The following KLF8 variants were observed in gnomAD, a reference collection of about 807,000 sequenced individuals.
The protein encoded by KLF8 is Krueppel-like factor 8.
KLF8 carries 10 observed loss-of-function variants against 18.2 expected under a neutral mutation model. That is an observed-to-expected ratio of 0.55 (90% CI 0.34 to 0.93). The LOEUF is 0.93. KLF8 is among the 40% of genes least tolerant of loss of function. The pLI, the probability that KLF8 is intolerant of heterozygous loss-of-function variation, is 0.02. For missense variants in KLF8, 264 were observed against 277.9 expected (o/e 0.95, Z 0.36); for synonymous variants, 109 against 97.3 (o/e 1.12, Z -0.71).
the KLF8 span, among the ~76,000 whole-genome samples, chrX:56,222,321 C>T: frequency 1.8e-5 from 2 of 110,449 alleles, no homozygotes; most frequent in South Asian, 7.9e-4. Context: ...ATTCACAATC[C>T]CTTATCTAGA....
chrX:56,202,738 TTGTTGCAAA>T, the KLF8 span, among the ~76,000 whole-genome samples: 3 of 111,163 alleles, frequency 2.7e-5, no homozygotes, highest in Non-Finnish European at 5.7e-5. Flanking sequence ...TCCATGCATA[TTGTTGCAAA>T]TGACTGAATA....
At chrX:56,185,421 G>A in the KLF8 span, among the ~76,000 whole-genome samples, 1 of 112,256 alleles carries the variant, frequency 8.9e-6, no homozygotes, top group South Asian at 3.7e-4. Flanking sequence ...AAGTGACGGG[G>A]AGAATGGGAC....
At chrX:56,278,831 T>C in intron 5 of KLF8, among the ~76,000 whole-genome samples, 1 of 112,010 alleles carries the variant, frequency 8.9e-6, no homozygotes, top group East Asian at 2.8e-4. Context: ...ATTCAAGTTC[T>C]GACTTCTGGG....
At chrX:55,941,178 A>T in the KLF8 span, among the ~76,000 whole-genome samples, 1 of 111,866 alleles carries the variant, frequency 8.9e-6, no homozygotes, top group Admixed American at 9.5e-5. Context: ...AGAGATATAA[A>T]CCAATGTAAC....
the KLF8 span, among the ~76,000 whole-genome samples, chrX:56,209,670 A>G: frequency 9.0e-6 from 1 of 111,452 alleles, no homozygotes; most frequent in African/African-American, 3.3e-5. Flanking sequence ...CTATTTTATT[A>G]TGTGTTTTCT....
At chrX:56,160,644 T>A in the KLF8 span, among the ~76,000 whole-genome samples, 1 of 111,855 alleles carries the variant, frequency 8.9e-6, no homozygotes, top group African/African-American at 3.3e-5. Flanking sequence ...CATTATGTAA[T>A]GGCCTTCTTT....
the KLF8 span, among the ~76,000 whole-genome samples, chrX:56,196,181 C>A: frequency 7.2e-5 from 8 of 111,027 alleles, no homozygotes; most frequent in South Asian, 1.9e-3. Flanking sequence ...AATTAATGGG[C>A]AAAATAACCA....
the KLF8 span, among the ~76,000 whole-genome samples, chrX:55,939,561 C>A: frequency 3.6e-5 from 4 of 111,479 alleles, no homozygotes; most frequent in Admixed American, 9.5e-5. Flanking sequence ...ACACAAAAAA[C>A]CCTTCAAAAA....
chrX:56,105,800 T>C, the KLF8 span, among the ~76,000 whole-genome samples: 1 of 112,005 alleles, frequency 8.9e-6, no homozygotes, highest in African/African-American at 3.3e-5. Flanking sequence ...TTTATGCCAT[T>C]TCTTCATAGC....
chrX:56,163,959 C>G, the KLF8 span, among the ~76,000 whole-genome samples: 2 of 111,666 alleles, frequency 1.8e-5, no homozygotes, highest in African/African-American at 3.3e-5. Flanking sequence ...TGGTCTATGT[C>G]TCTGTCTTTG....
chrX:56,061,910 A>G, the KLF8 span, among the ~76,000 whole-genome samples: 2 of 99,360 alleles, frequency 2.0e-5, no homozygotes, highest in African/African-American at 8.4e-5. Flanking sequence ...CTTTACCATT[A>G]TTTAATGTTC....
chrX:56,160,411 G>T, the KLF8 span, among the ~76,000 whole-genome samples: 2 of 111,389 alleles, frequency 1.8e-5, no homozygotes, highest in African/African-American at 3.3e-5. Flanking sequence ...AGGTCCGCTT[G>T]GTGCAGAACT....
chrX:56,242,578 G>T, intron 1 of KLF8, among the ~76,000 whole-genome samples: 1 of 111,505 alleles, frequency 9.0e-6, no homozygotes. Flanking sequence ...CAAATGACTT[G>T]CCCAAAGTTA....
the KLF8 span, among the ~76,000 whole-genome samples, chrX:56,204,834 AT>A: frequency 2.7e-5 from 3 of 110,608 alleles, no homozygotes; most frequent in African/African-American, 9.8e-5. Flanking sequence ...CAACAGTTTG[AT>A]TCTAAATGGA....
At chrX:56,211,857 C>T in the KLF8 span, among the ~76,000 whole-genome samples, 2 of 109,947 alleles carry the variant, frequency 1.8e-5, no homozygotes, top group Non-Finnish European at 3.8e-5. Context: ...AGACAAGGTC[C>T]CCTTTGCTTT....
chrX:56,250,766 G>T (rs1025730989), intron 2 of KLF8, among the ~76,000 whole-genome samples: 3 of 110,906 alleles, frequency 2.7e-5, no homozygotes, highest in Non-Finnish European at 5.7e-5. Context: ...GAGATTTCAA[G>T]AAATTGGCTC....
the KLF8 span, among the ~76,000 whole-genome samples, chrX:56,186,877 T>G: frequency 8.9e-6 from 1 of 111,780 alleles, no homozygotes; most frequent in East Asian, 2.8e-4. Context: ...TTCAAAGCAG[T>G]GTGTAGAAGG....
At chrX:56,268,575 G>A in intron 3 of KLF8, 2 of 245,150 alleles carry the variant, frequency 8.2e-6, no homozygotes, top group Non-Finnish European at 1.2e-5. Context: ...ACCGATACAT[G>A]TATATCACAT....
At chrX:56,199,074 T>C in the KLF8 span, among the ~76,000 whole-genome samples, 1 of 111,707 alleles carries the variant, frequency 9.0e-6, no homozygotes, top group Admixed American at 9.5e-5. Flanking sequence ...CCTTACAGCT[T>C]ATAAAGAATT....
Sources: gnomAD v4.1 joint callset for allele counts (sites outside exome capture counted in the v4.1 genomes callset) on GRCh38, gnomAD v4.1.1 for gene constraint, MANE v1.5 for transcripts, NCBI Gene and HGNC (gene_info 2026-07-23, HGNC 2026-07-21) for gene names.